The following DOCK7 variants were observed in gnomAD, a reference collection of about 807,000 sequenced individuals.
The protein encoded by DOCK7 is dedicator of cytokinesis protein 7.
Under a neutral mutation model 271.0 loss-of-function variants are expected in DOCK7, and 138 were observed. The ratio of observed to expected loss-of-function variants is 0.51; its 90% CI spans 0.44 to 0.59. The LOEUF is 0.59. Ranked by LOEUF, DOCK7 falls within the 20% of genes least tolerant of loss-of-function variation. The probability of loss-of-function intolerance (pLI) is 0.00; values close to 1 mark genes in which losing one functional copy is unlikely to be tolerated. For missense variants in DOCK7, 2,066 were observed against 2,592.4 expected (o/e 0.80, Z 4.41); for synonymous variants, 823 against 876.1 (o/e 0.94, Z 1.07).
chr1:62,532,415 T>C (rs1645201671), intron 29 of DOCK7, among the ~76,000 whole-genome samples: 1 of 152,152 alleles, frequency 6.6e-6, no homozygotes, highest in African/African-American at 2.4e-5. Flanking sequence ...CATTGCAGCC[T>C]TGACCTCTTG....
chr1:62,505,922 T>C (rs1485019507), intron 35 of DOCK7, 106 bp from the exon 36 acceptor site: 7 of 1,085,152 alleles, frequency 6.5e-6, no homozygotes, highest in Non-Finnish European at 8.8e-6. Flanking sequence ...TATGTATAAG[T>C]AAAGTTTTAA....
intron 7 of DOCK7, among the ~76,000 whole-genome samples, chr1:62,643,981 TA>T (rs1229975910): frequency 3.3e-5 from 5 of 151,906 alleles, no homozygotes; most frequent in Non-Finnish European, 5.9e-5. Flanking sequence ...CTTGTTCCTT[TA>T]TAATATTTTA....
chr1:62,605,953 C>T (rs1650925837), intron 14 of DOCK7: 1 of 151,600 alleles, frequency 6.6e-6, no homozygotes, highest in South Asian at 2.1e-4. Flanking sequence ...TAAATTAAAC[C>T]CATTTGTTAA....
At chr1:62,510,706 T>C (rs778764640) in intron 33 of DOCK7, 33 bp from the exon 34 acceptor site, 3 of 1,557,252 alleles carry the variant, frequency 1.9e-6, no homozygotes, top group South Asian at 2.2e-5. Context: ...AATTTTCAAA[T>C]GTTATTTCAG....
intron 29 of DOCK7, among the ~76,000 whole-genome samples, chr1:62,532,226 G>C (rs150537400): frequency 7.2e-5 from 11 of 152,148 alleles, no homozygotes; most frequent in African/African-American, 2.7e-4. Flanking sequence ...GTAGAGATGG[G>C]GTTTTACTAT....
At chr1:62,553,344 ATATATATATATTTTTTTTTTTTTT>A (rs1421950004) in intron 21 of DOCK7, among the ~76,000 whole-genome samples, 1,732 of 31,234 alleles carry the variant, frequency 0.055, 48 homozygotes, top group Admixed American at 0.064. Flanking sequence ...ATATATATAT[ATATATATATATTTTTTTTTTTTTT>A]TTTTTTTTTT....
intron 14 of DOCK7, chr1:62,597,486 T>C: frequency 6.8e-7 from 1 of 1,476,480 alleles, no homozygotes; most frequent in Non-Finnish European, 9.3e-7. Context: ...CAAATATTGG[T>C]ATATATAGAG....
At chr1:62,514,393 T>C (rs547259728) in intron 31 of DOCK7, among the ~76,000 whole-genome samples, 38 of 152,182 alleles carry the variant, frequency 2.5e-4, no homozygotes, top group Non-Finnish European at 4.3e-4. Context: ...TTAGGCTATA[T>C]AGAAGTAAAA....
intron 37 of DOCK7, among the ~76,000 whole-genome samples, chr1:62,503,941 G>C (rs1370140602): frequency 2.0e-5 from 3 of 151,998 alleles, no homozygotes; most frequent in Non-Finnish European, 2.9e-5. Context: ...CAGCTACTTG[G>C]GAGGCTGAGG....
chr1:62,468,360 C>CAAAAAAAAAAAAAAAA, intron 48 of DOCK7, among the ~76,000 whole-genome samples: 1 of 93,082 alleles, frequency 1.1e-5, no homozygotes, highest in Non-Finnish European at 2.3e-5. Context: ...GACTCTGTCT[C>CAAAAAAAAAAAAAAAA]AAAAAAAAAA....
At chr1:62,681,539 A>G (rs1661155649) in intron 1 of DOCK7, among the ~76,000 whole-genome samples, 1 of 14,708 alleles carries the variant, frequency 6.8e-5, no homozygotes. Flanking sequence ...TATAATAAAA[A>G]ATAAAAAAAA....
At position 62,601,043 on chromosome 1, in the gene DOCK7, A is replaced by G. The variant is rs780656849; in HGVS notation, c.1683-14419T>C. On this transcript the variant is annotated intron_variant, in intron 14 of 49. Transcript: ENST00000635253. ...TCAGATTTCCCCTAATTGTATATTC[A>G]GTATCATTTTAAAAAACAGATTTAT... 9 of 1,156,186 alleles carry G rather than the reference A, an allele frequency of 7.8e-6. No homozygotes were observed. In the African/African-American group the frequency reaches 1.1e-4, roughly 14 times the overall value. The allele number at this position is 1,156,186 out of a possible 1,614,324, so 71.6% of individuals were successfully genotyped here.
chr1:62,485,694 A>G, intron 43 of DOCK7: 1 of 985,168 alleles, frequency 1.0e-6, no homozygotes, highest in Non-Finnish European at 1.2e-6. Context: ...GAGTAGGGTC[A>G]GCAACCAGGG....
chr1:62,457,434 G>C, intron 49 of DOCK7, 104 bp downstream of exon 49: 2 of 1,207,870 alleles, frequency 1.7e-6, no homozygotes, highest in Non-Finnish European at 2.3e-6. Flanking sequence ...CTGGTCCTAA[G>C]CTTTTCGGAT....
chr1:62,625,105 T>C, intron 12 of DOCK7, 154 bp downstream of exon 12: 1 of 559,402 alleles, frequency 1.8e-6, no homozygotes, highest in Non-Finnish European at 2.9e-6. Context: ...TCGTTTCTCA[T>C]TCTTATAGTT....
chr1:62,662,552 G>C (rs1658783648), intron 2 of DOCK7, among the ~76,000 whole-genome samples: 1 of 152,096 alleles, frequency 6.6e-6, no homozygotes, highest in African/African-American at 2.4e-5. Context: ...CACAAGGTCA[G>C]GAGTTCAAGA....
chr1:62,586,430 T>C (rs887571643), intron 15 of DOCK7, 77 bp downstream of exon 15: 32 of 1,070,830 alleles, frequency 3.0e-5, no homozygotes, highest in Middle Eastern at 4.2e-4. Context: ...CAGGTTGCAG[T>C]TGCCAACCAA....
chr1:62,665,044 T>C (rs1659131158), intron 1 of DOCK7, among the ~76,000 whole-genome samples: 1 of 152,202 alleles, frequency 6.6e-6, no homozygotes, highest in Non-Finnish European at 1.5e-5. Context: ...TGGAGTGCAG[T>C]GGCGCGATCT....
intron 7 of DOCK7, among the ~76,000 whole-genome samples, chr1:62,638,082 A>G (rs1031571672): frequency 6.6e-6 from 1 of 152,192 alleles, no homozygotes; most frequent in African/African-American, 2.4e-5. Context: ...GCAGTATCCC[A>G]CTGGATTTTT....
Sources: allele counts gnomAD v4.1 joint callset (sites outside exome capture counted in the v4.1 genomes callset), GRCh38; gene constraint gnomAD v4.1.1; transcripts MANE v1.5; gene names NCBI Gene and HGNC (gene_info 2026-07-23, HGNC 2026-07-21).